The following ERICH1 variants were observed in gnomAD, a reference collection of about 807,000 sequenced individuals.
ERICH1 encodes glutamate-rich protein 1.
Under a neutral mutation model 39.6 loss-of-function variants are expected in ERICH1, and 56 were observed. The observed-to-expected ratio is 1.41, with a 90% confidence interval of 1.14 to 1.77. The LOEUF is 1.77. Ranked by LOEUF, ERICH1 falls within the 40% of genes most tolerant of loss-of-function variation. The pLI is 0.00. For missense variants in ERICH1, 826 were observed against 575.4 expected, an observed-to-expected ratio of 1.44 and a Z score of -4.45; for synonymous variants, 313 against 223.6, an observed-to-expected ratio of 1.40 and a Z score of -3.57.
intron 4 of ERICH1, among the ~76,000 whole-genome samples, chr8:672,694 C>T (rs1222719609): frequency 6.6e-6 from 1 of 152,184 alleles, no homozygotes; most frequent in East Asian, 1.9e-4. Flanking sequence ...GTCAACAAAG[C>T]GTAGTGCAGA....
chr8:666,275 A>G (rs1295823842), intron 5 of ERICH1: 1 of 152,240 alleles, frequency 6.6e-6, no homozygotes, highest in African/African-American at 2.4e-5. Flanking sequence ...TGAGAAACAG[A>G]GCAAAAATTA....
At chr8:676,301 C>G (rs76847918) in intron 3 of ERICH1, among the ~76,000 whole-genome samples, 19 of 5,522 alleles carry the variant, frequency 3.4e-3, no homozygotes, top group African/African-American at 0.012. Context: ...AGACGCGGCG[C>G]CCCCTCGGCG....
rs116961788 is a variant in ERICH1 at position 692,020 on chromosome 8, G to C, written c.304+458C>G. 4.8e-3 allele frequency among the ~76,000 whole-genome samples: 736 copies of C among 152,196 alleles called. 7 individuals are homozygous for C. Among genetic ancestry groups the C allele is most frequent in the Middle Eastern group, 0.01 (3 of 294 alleles). ...TTCGTACGACATGCAACAACAATAG[G>C]AATTATAATAATTTTTTCCAAAAGA... On this transcript the variant is annotated intron_variant, in intron 3 of 5. Transcript: ENST00000262109.
At chr8:695,525 G>A (rs1175549374) in intron 2 of ERICH1, among the ~76,000 whole-genome samples, 1 of 131,368 alleles carries the variant, frequency 7.6e-6, no homozygotes, top group Admixed American at 7.5e-5. Flanking sequence ...GCCTGCACCT[G>A]TGCTTGCTCC....
chr8:644,194 C>T (rs1370373116), intron 3 of ERICH1, among the ~76,000 whole-genome samples: 1 of 152,196 alleles, frequency 6.6e-6, no homozygotes, highest in Non-Finnish European at 1.5e-5. Context: ...TGGCCCCATC[C>T]TAAGGCAAGC....
intron 3 of ERICH1, among the ~76,000 whole-genome samples, chr8:630,816 G>A (rs1490335430): frequency 7.4e-6 from 1 of 134,976 alleles, no homozygotes; most frequent in East Asian, 2.4e-4. Flanking sequence ...CACCCACACA[G>A]ACAGAGCTGA....
At chr8:724,435 G>A (rs1009371407) in intron 1 of ERICH1, among the ~76,000 whole-genome samples, 3 of 152,182 alleles carry the variant, frequency 2.0e-5, no homozygotes, top group South Asian at 2.1e-4. Context: ...CTTCACGGGC[G>A]GCTGCAATAG....
chr8:636,974 G>A (rs1355309915), intron 3 of ERICH1, among the ~76,000 whole-genome samples: 1 of 152,206 alleles, frequency 6.6e-6, no homozygotes. Flanking sequence ...TTTCTGCAGG[G>A]TCGGAGGGTT....
downstream of ERICH1, among the ~76,000 whole-genome samples, chr8:663,817 T>C (rs1226362776): frequency 6.6e-6 from 1 of 152,042 alleles, no homozygotes; most frequent in Non-Finnish European, 1.5e-5. Context: ...TGCAGTGCAG[T>C]GGTGCGATCT....
At chr8:625,094 C>T (rs938120946) in intron 3 of ERICH1, among the ~76,000 whole-genome samples, 1 of 152,168 alleles carries the variant, frequency 6.6e-6, no homozygotes, top group Non-Finnish European at 1.5e-5. Context: ...GGATTCCACG[C>T]CCATGATCCA....
chr8:700,444 G>C (rs1271514257), intron 2 of ERICH1, among the ~76,000 whole-genome samples: 6 of 67,624 alleles, frequency 8.9e-5, no homozygotes, highest in African/African-American at 1.9e-4. Context: ...GGCCCTCACA[G>C]GCCACAGACC....
intron 4 of ERICH1, 86 bp downstream of exon 4, chr8:673,203 T>A: frequency 7.0e-7 from 1 of 1,420,540 alleles, no homozygotes; most frequent in Non-Finnish European, 9.5e-7. Flanking sequence ...TAAAGTATGT[T>A]TTAACATTTA....
At chr8:706,495 C>T (rs1272704390) in intron 2 of ERICH1, among the ~76,000 whole-genome samples, 1 of 152,138 alleles carries the variant, frequency 6.6e-6, no homozygotes, top group Non-Finnish European at 1.5e-5. Context: ...AAGATAAGGC[C>T]AGGCGCAGTG....
At position 731,178 on chromosome 8, in the gene ERICH1, G is replaced by T; in HGVS notation, c.-17C>A. The T allele has an allele frequency of 1.3e-6, 2 of 1,501,074 alleles. No homozygotes were observed. The highest frequency in any genetic ancestry group is 1.8e-6 in the Non-Finnish European group (2 of 1,127,224). 93.0% of individuals were successfully genotyped at this position (1,501,074 alleles called of 1,614,324 possible). On this transcript the variant is annotated 5_prime_UTR_variant, in exon 1 of 6. Coordinates refer to ENST00000262109, the MANE Select transcript of ERICH1 (RefSeq NM_207332.3). ...CGCCGCCATGCGGGACCCTGCCGCG[G>T]ACCTCAGACCACGGCGCGCGGTCCT...
At chr8:622,624 C>T (rs531839087) in intron 3 of ERICH1, among the ~76,000 whole-genome samples, 1 of 152,202 alleles carries the variant, frequency 6.6e-6, no homozygotes, top group East Asian at 1.9e-4. Context: ...CCCTTGAAAA[C>T]CCAAGCCAGA....
At chr8:634,193 A>AAC (rs1445977264) in intron 3 of ERICH1, among the ~76,000 whole-genome samples, 75 of 151,244 alleles carry the variant, frequency 5.0e-4, no homozygotes, top group Admixed American at 1.8e-3. Flanking sequence ...AAAACAAACA[A>AAC]AAAAAACCCT....
chr8:665,204 C>T (rs1802005577), intron 5 of ERICH1, among the ~76,000 whole-genome samples: 1 of 152,156 alleles, frequency 6.6e-6, no homozygotes, highest in East Asian at 1.9e-4. Context: ...CTGATGTCAC[C>T]ACCAACCCTC....
intron 5 of ERICH1, among the ~76,000 whole-genome samples, chr8:665,114 G>A (rs954519372): frequency 6.6e-6 from 1 of 152,244 alleles, no homozygotes; most frequent in Non-Finnish European, 1.5e-5. Flanking sequence ...ACCATGTGGT[G>A]CCTACGTCAT....
intron 1 of ERICH1, among the ~76,000 whole-genome samples, chr8:728,541 G>A (rs370987408): frequency 1.1e-4 from 17 of 152,172 alleles, no homozygotes; most frequent in Non-Finnish European, 2.2e-4. Context: ...TCCCCTGACC[G>A]CTGGCTACCC....
Sources: allele counts gnomAD v4.1 joint callset (sites outside exome capture counted in the v4.1 genomes callset), GRCh38; gene constraint gnomAD v4.1.1; transcripts MANE v1.5; gene names NCBI Gene and HGNC (gene_info 2026-07-23, HGNC 2026-07-21).